HCRTR2: variants seen among roughly 807,000 people sequenced by gnomAD.
HCRTR2 encodes the protein hypocretin receptor 2.
In HCRTR2, 22 loss-of-function variants were observed where a neutral mutation model predicts 49.0. The observed-to-expected ratio is 0.45, with a 90% CI of 0.32 to 0.64. The LOEUF is 0.64. Among genes scored for constraint, HCRTR2 ranks in the 30% least tolerant of loss-of-function variants. The pLI is 0.04. For missense variants in HCRTR2, 491 were observed against 559.4 expected, an observed-to-expected ratio of 0.88 and a Z score of 1.23; for synonymous variants, 236 against 205.3, an observed-to-expected ratio of 1.15 and a Z score of -1.28.
chr6:55,138,514 A>C (rs1478920146), intron 1 of HCRTR2, among the ~76,000 whole-genome samples: 1 of 152,218 alleles, frequency 6.6e-6, no homozygotes, highest in Non-Finnish European at 1.5e-5. Flanking sequence ...GCTGCTTGCC[A>C]CGGTAGTCGT....
intron 1 of HCRTR2, among the ~76,000 whole-genome samples, chr6:55,120,873 T>G (rs1298853545): frequency 6.6e-6 from 1 of 152,116 alleles, no homozygotes; most frequent in Non-Finnish European, 1.5e-5. Flanking sequence ...TTTTGCTTAC[T>G]GTAGCCTTGT....
intron 1 of HCRTR2, among the ~76,000 whole-genome samples, chr6:55,229,092 T>A (rs1019868979): frequency 1.5e-4 from 23 of 152,288 alleles, no homozygotes; most frequent in Non-Finnish European, 2.9e-4. Flanking sequence ...CTTGTTAGGA[T>A]AACAAACATT....
intron 1 of HCRTR2, among the ~76,000 whole-genome samples, chr6:55,112,774 T>C (rs1340178989): frequency 6.6e-6 from 1 of 151,786 alleles, no homozygotes; most frequent in Non-Finnish European, 1.5e-5. Flanking sequence ...ATTCTTCACA[T>C]AACTAGAAAT....
intron 1 of HCRTR2, among the ~76,000 whole-genome samples, chr6:55,167,222 T>G (rs1355106377): frequency 6.6e-6 from 1 of 152,146 alleles, no homozygotes; most frequent in African/African-American, 2.4e-5. Flanking sequence ...CCACACAAGG[T>G]GGGATCGCTT....
intron 1 of HCRTR2, among the ~76,000 whole-genome samples, chr6:55,231,904 G>A (rs1018095449): frequency 7.2e-5 from 11 of 151,910 alleles, no homozygotes; most frequent in African/African-American, 2.2e-4. Flanking sequence ...CAAATTTAAC[G>A]TGTTCCAAAG....
At chr6:55,189,898 G>A (rs895319287) in intron 1 of HCRTR2, among the ~76,000 whole-genome samples, 3 of 152,148 alleles carry the variant, frequency 2.0e-5, no homozygotes, top group Non-Finnish European at 4.4e-5. Context: ...GTATAGAAGG[G>A]TCATGATGAA....
At chr6:55,219,624 C>G (rs868611123) in intron 1 of HCRTR2, among the ~76,000 whole-genome samples, 1 of 151,992 alleles carries the variant, frequency 6.6e-6, no homozygotes, top group Middle Eastern at 3.4e-3. Context: ...TTTAAGTAAA[C>G]AACCTAACTT....
intron 1 of HCRTR2, among the ~76,000 whole-genome samples, chr6:55,130,769 TCTC>T (rs1392002450): frequency 1.3e-5 from 2 of 151,898 alleles, no homozygotes; most frequent in Admixed American, 6.6e-5. Flanking sequence ...ATAGTTTTCT[TCTC>T]CTGCATTATT....
At chr6:55,125,498 G>T (rs962954708) in intron 1 of HCRTR2, among the ~76,000 whole-genome samples, 1 of 152,146 alleles carries the variant, frequency 6.6e-6, no homozygotes, top group African/African-American at 2.4e-5. Flanking sequence ...AGTCTGATGG[G>T]CTTCCCTTTG....
rs1767214729 is a variant in HCRTR2, at chr6:55,282,573, T to A, written c.*119T>A. 8 of 663,612 alleles carry A rather than the reference T, an allele frequency of 1.2e-5. No individual in the cohort carries two copies. The highest frequency in any genetic ancestry group is 2.1e-5 in the Non-Finnish European group (8 of 378,274). 41.1% of individuals were successfully genotyped at this position (663,612 alleles called of 1,614,324 possible). On this transcript the variant is annotated 3_prime_UTR_variant, in exon 7 of 7. Transcript: ENST00000370862. ...AAATTACTTGTGGATCTTTTTTTTT[T>A]TTAATCTATTGCTCTTTGGAAATAA... is the stretch of plus-strand genomic sequence containing the variant.
rs145973993 is a variant in HCRTR2 at position 55,183,088 on chromosome 6, G to A, written c.223+8278G>A. 2.9e-3 allele frequency among the ~76,000 whole-genome samples: 446 copies of A among 152,254 alleles called. 1 individual carries two copies. The highest frequency in any genetic ancestry group is 5.0e-3 in the Non-Finnish European group (337 of 68,026). On this transcript the variant is annotated intron_variant, in intron 1 of 6. Transcript: ENST00000370862. ...GCCAATTATTGTGCTTGGATTGAGGGTACAAAGGTAATAGAATCCAAGGAA... is the reference window on the plus strand; with the variant it reads ...GCCAATTATTGTGCTTGGATTGAGGATACAAAGGTAATAGAATCCAAGGAA...
intron 3 of HCRTR2, among the ~76,000 whole-genome samples, chr6:55,259,767 C>T (rs1283819642): frequency 6.6e-6 from 1 of 151,820 alleles, no homozygotes; most frequent in Non-Finnish European, 1.5e-5. Flanking sequence ...TAAAGTAATG[C>T]TTATGTGAAA....
At chr6:55,131,951 A>C (rs994623677) in intron 1 of HCRTR2, among the ~76,000 whole-genome samples, 1 of 151,784 alleles carries the variant, frequency 6.6e-6, no homozygotes, top group East Asian at 1.9e-4. Flanking sequence ...TTTAAAGGCA[A>C]TGCGTTTTAG....
chr6:55,225,897 A>G (rs4311512), intron 1 of HCRTR2, among the ~76,000 whole-genome samples: 48,309 of 152,020 alleles, frequency 0.32, 8,042 homozygotes, highest in African/African-American at 0.4. Flanking sequence ...CATTTGGGAA[A>G]CCCTACTTAG....
At chr6:55,252,670 T>A (rs1766574598) in intron 2 of HCRTR2, among the ~76,000 whole-genome samples, 1 of 151,786 alleles carries the variant, frequency 6.6e-6, no homozygotes, top group African/African-American at 2.4e-5. Flanking sequence ...TTTCTAGGAG[T>A]CACTAATCAA....
chr6:55,248,655 G>C lies in HCRTR2; in HGVS notation c.240G>C (p.Trp80Cys). The change falls in exon 2 of 7, where the codon TGG (tryptophan) becomes TGC (cysteine). Residue 80 changes from tryptophan (W) to cysteine (C), a missense_variant. Physicochemically the swap from Trp to Cys is radical, Grantham distance 215. Transcript: ENST00000370862. ...IGNVLVCVAV[W>C]KNHHMRTVTN... Reference sequence around the variant, plus strand: ...TCAAATTAGTTTGTGTGGCAGTGTGGAAGAACCACCACATGAGGACGGTAA... The same window carrying C: ...TCAAATTAGTTTGTGTGGCAGTGTGCAAGAACCACCACATGAGGACGGTAA... 1 of 1,613,114 alleles carries C rather than the reference G, an allele frequency of 6.2e-7. No homozygotes were observed. Among genetic ancestry groups the C allele is most frequent in the Non-Finnish European group, 8.5e-7 (1 of 1,179,328 alleles).
chr6:55,275,753 G>T (rs961587368), intron 4 of HCRTR2, among the ~76,000 whole-genome samples: 2 of 151,988 alleles, frequency 1.3e-5, no homozygotes, highest in Non-Finnish European at 2.9e-5. Context: ...TGGGATTACA[G>T]GCATGTGCCA....
intron 1 of HCRTR2, among the ~76,000 whole-genome samples, chr6:55,124,852 T>C (rs1764250874): frequency 1.3e-5 from 2 of 152,184 alleles, no homozygotes; most frequent in Admixed American, 6.5e-5. Context: ...CCCTTTAGCA[T>C]TATGTAATGC....
chr6:55,146,136 T>C (rs1764578024), intron 1 of HCRTR2, among the ~76,000 whole-genome samples: 1 of 152,254 alleles, frequency 6.6e-6, no homozygotes, highest in East Asian at 1.9e-4. Flanking sequence ...TGGTACACAG[T>C]AAACATGCAA....
Sources: allele counts gnomAD v4.1 joint callset (sites outside exome capture counted in the v4.1 genomes callset), GRCh38; gene constraint gnomAD v4.1.1; transcripts MANE v1.5; gene names NCBI Gene and HGNC (gene_info 2026-07-23, HGNC 2026-07-21).